Variants in SLC10A7 observed in about 807,000 individuals in gnomAD.
SLC10A7 encodes sodium/bile acid cotransporter 7.
In SLC10A7, 29 loss-of-function variants were observed where a neutral mutation model predicts 43.2. The observed-to-expected ratio is 0.67, with a 90% CI of 0.50 to 0.92. The LOEUF (loss-of-function observed/expected upper bound fraction) is 0.92, where lower values mean the gene tolerates loss of function less well. Ranked by LOEUF, SLC10A7 falls within the 40% of genes least tolerant of loss-of-function variation. The pLI is 0.00. For missense variants in SLC10A7, 295 were observed against 403.2 expected, an observed-to-expected ratio of 0.73 and a Z score of 2.30; for synonymous variants, 152 against 144.8, an observed-to-expected ratio of 1.05 and a Z score of -0.35.
chr4:146,286,847 G>C (rs951693591), intron 9 of SLC10A7, among the ~76,000 whole-genome samples: 4 of 14,690 alleles, frequency 2.7e-4, no homozygotes, highest in Admixed American at 9.6e-4. Flanking sequence ...ACTGTGTTTG[G>C]AGTGGTGAGA....
chr4:146,333,387 C>T (rs760556864), intron 5 of SLC10A7, among the ~76,000 whole-genome samples: 2 of 152,024 alleles, frequency 1.3e-5, no homozygotes, highest in Non-Finnish European at 2.9e-5. Context: ...ATGCCCTCAA[C>T]GTTTTTTAGA....
Position 146,305,349 on chromosome 4 carries a change from C to G in SLC10A7, c.555+577G>C, listed in dbSNP as rs375252176. 1.2e-4 allele frequency among the ~76,000 whole-genome samples: 18 copies of G among 149,656 alleles called. No homozygotes were observed. The East Asian group carries it at 3.6e-3, about 30-fold the overall frequency. Reference sequence around the variant, plus strand: ...AACAAAAAACCAAACACCACATATTCTCACTCATAGGTGGGAATTGAACAA... The same window carrying G: ...AACAAAAAACCAAACACCACATATTGTCACTCATAGGTGGGAATTGAACAA... On this transcript the variant is annotated intron_variant, in intron 7 of 11. Transcript: ENST00000335472.
At chr4:146,343,502 T>C (rs1354447481) in intron 5 of SLC10A7, among the ~76,000 whole-genome samples, 1 of 152,068 alleles carries the variant, frequency 6.6e-6, no homozygotes, top group African/African-American at 2.4e-5. Flanking sequence ...GGAGTGTAAA[T>C]GCTTCTCAAT....
intron 5 of SLC10A7, among the ~76,000 whole-genome samples, chr4:146,380,053 G>T (rs1560852667): frequency 6.6e-6 from 1 of 151,908 alleles, no homozygotes; most frequent in African/African-American, 2.4e-5. Flanking sequence ...AAAGCAGTCT[G>T]AGGAAAATCT....
chr4:146,353,491 T>C (rs201587617), intron 5 of SLC10A7, among the ~76,000 whole-genome samples: 7,546 of 124,978 alleles, frequency 0.06, 296 homozygotes, highest in South Asian at 0.15. Flanking sequence ...CTTCTGAAAC[T>C]ATTCCAATCA....
intron 5 of SLC10A7, among the ~76,000 whole-genome samples, chr4:146,356,574 GAC>G (rs34496192): frequency 4.0e-5 from 6 of 150,294 alleles, no homozygotes; most frequent in Non-Finnish European, 7.4e-5. Flanking sequence ...ACAACAGACA[GAC>G]ACACACACAC....
intron 4 of SLC10A7, among the ~76,000 whole-genome samples, chr4:146,491,362 T>C (rs1735398318): frequency 6.6e-6 from 1 of 152,098 alleles, no homozygotes; most frequent in Non-Finnish European, 1.5e-5. Context: ...AAAAAGTTTG[T>C]CCAGAGAATC....
chr4:146,468,473 A>ATTTTTTTTTTTTTTTTTTTTTTT (rs368637891), intron 4 of SLC10A7, among the ~76,000 whole-genome samples: 2 of 143,610 alleles, frequency 1.4e-5, no homozygotes, highest in East Asian at 4.2e-4. Flanking sequence ...TTATATTTTA[A>ATTTTTTTTTTTTTTTTTTTTTTT]TTTTTTTTTT....
chr4:146,281,393 A>G (rs1431893792), intron 10 of SLC10A7, among the ~76,000 whole-genome samples: 1 of 151,324 alleles, frequency 6.6e-6, no homozygotes, highest in Non-Finnish European at 1.5e-5. Context: ...CTTGAAGTAA[A>G]ATCAAAAAAA....
Position 146,504,025 on chromosome 4 carries a change from G to C in SLC10A7, c.321-101C>G, listed in dbSNP as rs79033595. On this transcript the variant is annotated intron_variant, in intron 3 of 11. Coordinates refer to ENST00000335472, the MANE Select transcript of SLC10A7 (RefSeq NM_001029998.6). Reference sequence around the variant, plus strand: ...AGCAAGGCTGAGCAAATGAATATAAGGGCATATTTATTGATGCACATCCCC... The same window carrying C: ...AGCAAGGCTGAGCAAATGAATATAACGGCATATTTATTGATGCACATCCCC... 2.4e-3 allele frequency: 2,419 copies of C among 1,008,894 alleles called. 40 individuals carry two copies. Among genetic ancestry groups the C allele is most frequent in the South Asian group, 0.022 (1,585 of 71,158 alleles). 62.5% of individuals were successfully genotyped at this position (1,008,894 alleles called of 1,614,324 possible). A position where few individuals can be genotyped will look rare whatever the true frequency, so the allele number is the denominator to read the frequency against.
At chr4:146,419,877 A>G (rs1728832141) in intron 5 of SLC10A7, among the ~76,000 whole-genome samples, 1 of 152,156 alleles carries the variant, frequency 6.6e-6, no homozygotes, top group South Asian at 2.1e-4. Context: ...ATTTCGTTTC[A>G]ATATCTACCC....
intron 9 of SLC10A7, 127 bp downstream of exon 9, chr4:146,292,802 G>A (rs953688357): frequency 1.1e-5 from 7 of 622,868 alleles, no homozygotes; most frequent in African/African-American, 7.6e-5. Flanking sequence ...AGAATGGTCA[G>A]GGAGACAGGA....
At chr4:146,457,341 T>C (rs1245996505) in intron 4 of SLC10A7, among the ~76,000 whole-genome samples, 1 of 151,938 alleles carries the variant, frequency 6.6e-6, no homozygotes, top group Non-Finnish European at 1.5e-5. Context: ...TCATATAAAA[T>C]GGGTATCCAT....
At chr4:146,479,967 C>T (rs371626854) in intron 4 of SLC10A7, among the ~76,000 whole-genome samples, 14 of 152,122 alleles carry the variant, frequency 9.2e-5, no homozygotes, top group African/African-American at 2.6e-4. Context: ...ATATCTGTCT[C>T]GGAATATTTT....
rs768180493 is a variant in SLC10A7 at position 146,254,505 on chromosome 4, C to T, written c.*1986G>A. ...GAAATAGGCATAAACATATCACTAA[C>T]GCCACCAAAGTTCACTATGTAAAGA... On this transcript the variant is annotated 3_prime_UTR_variant, in exon 12 of 12. Coordinates refer to ENST00000335472, the MANE Select transcript of SLC10A7 (RefSeq NM_001029998.6). The T allele has an allele frequency of 4.6e-5, 7 of 152,032 alleles. No individual in the cohort carries two copies. Among genetic ancestry groups the T allele is most frequent in the Non-Finnish European group, 5.9e-5 (4 of 68,002 alleles). 9.4% of individuals were successfully genotyped at this position (152,032 alleles called of 1,614,324 possible).
intron 5 of SLC10A7, among the ~76,000 whole-genome samples, chr4:146,427,501 C>T (rs1729459729): frequency 1.3e-5 from 2 of 151,984 alleles, no homozygotes; most frequent in African/African-American, 2.4e-5. Flanking sequence ...AAGATATAGA[C>T]CCAAAATTCT....
At chr4:146,257,808 G>C (rs1021279073) in intron 11 of SLC10A7, among the ~76,000 whole-genome samples, 1 of 152,168 alleles carries the variant, frequency 6.6e-6, no homozygotes, top group East Asian at 1.9e-4. Flanking sequence ...AGGCAGGCTG[G>C]CCCAAGATCC....
intron 5 of SLC10A7, among the ~76,000 whole-genome samples, chr4:146,436,071 TA>T (rs201837835): frequency 1.3e-3 from 194 of 148,724 alleles, no homozygotes; most frequent in Non-Finnish European, 1.9e-3. Context: ...ATTATTAAAA[TA>T]AAAAAAAAAG....
intron 5 of SLC10A7, among the ~76,000 whole-genome samples, chr4:146,420,641 A>G (rs1728896847): frequency 6.6e-6 from 1 of 152,184 alleles, no homozygotes; most frequent in South Asian, 2.1e-4. Context: ...TACTCTGCAT[A>G]CATTTCAAAG....
Sources: allele counts gnomAD v4.1 joint callset (sites outside exome capture counted in the v4.1 genomes callset), GRCh38; gene constraint gnomAD v4.1.1; transcripts MANE v1.5; gene names NCBI Gene and HGNC (gene_info 2026-07-23, HGNC 2026-07-21).